SEC24C: variants seen among roughly 807,000 people sequenced by gnomAD.
SEC24C encodes protein transport protein Sec24C.
A neutral mutation model predicts 117.0 loss-of-function variants in SEC24C; 22 were observed. The ratio of observed to expected loss-of-function variants is 0.19; its 90% confidence interval spans 0.13 to 0.27. The LOEUF (loss-of-function observed/expected upper bound fraction) is 0.27, where lower values mean the gene tolerates loss of function less well. SEC24C is among the 10% of genes least tolerant of loss of function. The pLI is 1.00. For missense variants in SEC24C, 1,155 were observed against 1,375.1 expected (o/e 0.84, Z 2.53); for synonymous variants, 506 against 529.4 (o/e 0.96, Z 0.61).
At chr10:73,749,343 A>G (rs1360926251) in intron 2 of SEC24C, among the ~76,000 whole-genome samples, 1 of 152,158 alleles carries the variant, frequency 6.6e-6, no homozygotes, top group Non-Finnish European at 1.5e-5. Context: ...GGGACAGTGT[A>G]GTTTATGGGG....
At chr10:73,753,456 G>A (rs2082670013) in intron 3 of SEC24C, among the ~76,000 whole-genome samples, 1 of 152,138 alleles carries the variant, frequency 6.6e-6, no homozygotes. Context: ...GATTGCTTCA[G>A]CCCAGATTTT....
chr10:73,755,794 G>A (rs181837282), intron 3 of SEC24C, among the ~76,000 whole-genome samples: 1 of 152,134 alleles, frequency 6.6e-6, no homozygotes, highest in East Asian at 1.9e-4. Context: ...TAAGTGCAAA[G>A]TTAAGCTTGA....
At chr10:73,764,581 T>C (rs1022844360) in intron 8 of SEC24C, among the ~76,000 whole-genome samples, 5 of 151,038 alleles carry the variant, frequency 3.3e-5, no homozygotes, top group African/African-American at 1.2e-4. Flanking sequence ...GACAGCTGAA[T>C]GTAGGAACCT....
intron 3 of SEC24C, among the ~76,000 whole-genome samples, chr10:73,754,204 A>G (rs1367371615): frequency 6.6e-6 from 1 of 151,924 alleles, no homozygotes; most frequent in Admixed American, 6.6e-5. Context: ...CACCTGAGGT[A>G]AGGAGTTTGA....
rs562750112 is a variant in SEC24C at position 73,758,226 on chromosome 10, C to T, written c.309-1396C>T. Among the ~76,000 whole-genome samples the T allele has an allele frequency of 2.8e-3, 432 of 151,666 alleles. 1 individual carries two copies. The highest frequency in any genetic ancestry group is 9.5e-3 in the African/African-American group (392 of 41,298). ...CTCCAGCCTGGGCGACAGAGTGAGA[C>T]TCTGTCTCAAAAGAAAAGAAAAGAA... On this transcript the variant is annotated intron_variant, in intron 3 of 22. Transcript: ENST00000345254.
At chr10:73,757,920 C>CAAA (rs61625607) in intron 3 of SEC24C, among the ~76,000 whole-genome samples, 5 of 38,876 alleles carry the variant, frequency 1.3e-4, no homozygotes, top group East Asian at 1.6e-3. Context: ...GACCCTGTCT[C>CAAA]AAAAAAAAAA....
At chr10:73,763,722 C>T in intron 7 of SEC24C, 121 bp downstream of exon 7, 2 of 477,224 alleles carry the variant, frequency 4.2e-6, no homozygotes, top group Non-Finnish European at 6.8e-6. Context: ...GAGACAAGTT[C>T]CCTCTAGTCC....
intron 2 of SEC24C, among the ~76,000 whole-genome samples, chr10:73,748,752 T>C (rs1470955399): frequency 6.7e-6 from 1 of 149,086 alleles, no homozygotes; most frequent in Non-Finnish European, 1.5e-5. Flanking sequence ...TTTTTCTTTT[T>C]TATTTTTGAG....
Position 73,771,024 on chromosome 10 carries a change from C to G in SEC24C, c.3214C>G (p.Leu1072Val). Residue 1072 changes from leucine to valine, a missense_variant, in exon 23 of 23, where the codon CTG (leucine) becomes GTG (valine). Around this residue, in one of 2 missense-constraint regions of SEC24C, gnomAD observed 759 missense variants for 992.3 expected, o/e 0.76. Coordinates refer to ENST00000345254, the MANE Select transcript of SEC24C (RefSeq NM_198597.3). ...FKHFLVEDKS[L>V]SGGASYVDFL... ...GCACTTCCTGGTGGAAGACAAGAGT[C>G]TGAGTGGGGGAGCATCTTATGTGGA... 1.9e-6 allele frequency: 3 copies of G among 1,614,202 alleles called. No homozygotes were observed. The highest frequency in any genetic ancestry group is 2.5e-6 in the Non-Finnish European group (3 of 1,180,036).
In SEC24C at chr10:73,772,036, G is replaced by A; in HGVS notation, c.*941G>A. The stretch of plus-strand genomic sequence containing the variant: ...TGGGGGCAGGACAAGGGCTAGGCTT[G>A]ATGGTGGCCAGGCTTGCCTGCTCCC... On this transcript the variant is annotated 3_prime_UTR_variant, in exon 23 of 23. Transcript: ENST00000345254. 1 of 333,266 alleles carries A rather than the reference G, an allele frequency of 3.0e-6. No homozygotes were observed. Among genetic ancestry groups the A allele is most frequent in the Non-Finnish European group, 5.5e-6 (1 of 183,460 alleles). 20.6% of individuals were successfully genotyped at this position (333,266 alleles called of 1,614,324 possible). A position where few individuals can be genotyped will look rare whatever the true frequency, so the allele number is the denominator to read the frequency against.
rs1244340482 is a variant in SEC24C, at chr10:73,766,819, T to C, written c.1859T>C (p.Val620Ala). Reference sequence around the variant, plus strand: ...ACAAGGGAAACAGAGACAGTATTTGTACCAGTTATCCAGGCTGGAATGGAG... The same window carrying C: ...ACAAGGGAAACAGAGACAGTATTTGCACCAGTTATCCAGGCTGGAATGGAG... The part of the protein sequence containing the change: ...ADTRETETVF[V>A]PVIQAGMEAL... The change falls in exon 13 of 23, where the codon GTA (valine) becomes GCA (alanine). Residue 620 changes from valine to alanine, a missense_variant. Around this residue, in one of 2 missense-constraint regions of SEC24C, gnomAD observed 759 missense variants for 992.3 expected, o/e 0.76. Transcript: ENST00000345254. The C allele has an allele frequency of 6.2e-7, 1 of 1,614,204 alleles. No homozygotes were observed.
At chr10:73,768,681 CATT>C (rs1565048696) in intron 15 of SEC24C, 126 bp from the exon 16 acceptor site, 50 of 806,414 alleles carry the variant, frequency 6.2e-5, no homozygotes, top group South Asian at 4.3e-4. Context: ...TTGTCATCAT[CATT>C]ATCATCCTCA....
intron 3 of SEC24C, among the ~76,000 whole-genome samples, chr10:73,755,501 C>A (rs1375553008): frequency 1.3e-5 from 2 of 152,006 alleles, no homozygotes; most frequent in Non-Finnish European, 2.9e-5. Flanking sequence ...CACGGTGAAA[C>A]CCCGTCTCTA....
chr10:73,763,804 G>C (rs2082836881), intron 7 of SEC24C, 52 bp from the exon 8 acceptor site: 3 of 1,588,538 alleles, frequency 1.9e-6, no homozygotes, highest in Admixed American at 1.7e-5. Context: ...TGGAGAGCTG[G>C]TGTCTGGAAG....
At chr10:73,752,270 C>T (rs950870287) in intron 3 of SEC24C, among the ~76,000 whole-genome samples, 4 of 152,006 alleles carry the variant, frequency 2.6e-5, no homozygotes, top group Non-Finnish European at 5.9e-5. Flanking sequence ...TACAGGCATG[C>T]GCCACCACAC....
chr10:73,747,439 A>C (rs2082573105), intron 2 of SEC24C, among the ~76,000 whole-genome samples: 1 of 149,600 alleles, frequency 6.7e-6, no homozygotes, highest in Non-Finnish European at 1.5e-5. Context: ...TGCAACCTCC[A>C]CCTTCCAGGT....
chr10:73,763,706 T>TTTTTTTA, intron 7 of SEC24C, 105 bp downstream of exon 7: 3 of 681,256 alleles, frequency 4.4e-6, no homozygotes, highest in Non-Finnish European at 6.7e-6. Flanking sequence ...TTTTAGTTTT[T>TTTTTTTA]AACCAGAGAC....
At chr10:73,754,853 G>A (rs1310024265) in intron 3 of SEC24C, among the ~76,000 whole-genome samples, 4 of 152,284 alleles carry the variant, frequency 2.6e-5, no homozygotes, top group African/African-American at 9.6e-5. Context: ...ACAATGAGGG[G>A]CCAGGTGCAG....
chr10:73,759,725 A>G lies in SEC24C; in HGVS notation c.412A>G (p.Thr138Ala), dbSNP rs1441470647. ...GPPPTSAQVA[T>A]QLSGMQISGA... ...TCCCCCGACAAGTGCACAGGTGGCT[A>G]CGCAGCTGTCTGGAATGCAGATCAG... The change falls in exon 4 of 23, where the codon ACG becomes GCG. Residue 138 changes from threonine (T) to alanine (A), a missense_variant. By Grantham distance (58) the Thr-to-Ala change is moderately conservative. This residue lies in a region of SEC24C where 396 missense variants were observed against 382.8 expected (regional missense o/e 1.03). Transcript: ENST00000345254. The G allele has an allele frequency of 1.9e-6, 3 of 1,610,610 alleles. No homozygotes were observed. The highest frequency in any genetic ancestry group is 2.5e-6 in the Non-Finnish European group (3 of 1,179,278).
Sources: gnomAD v4.1 joint callset for allele counts (sites outside exome capture counted in the v4.1 genomes callset) on GRCh38, gnomAD v4.1.1 for gene constraint, gnomAD v4.1.1 regional missense constraint, MANE v1.5 for transcripts, NCBI Gene and HGNC (gene_info 2026-07-23, HGNC 2026-07-21) for gene names.